The following TMEM217 variants were observed in gnomAD, a reference collection of about 807,000 sequenced individuals.
The protein encoded by TMEM217 is chromosome 6 open reading frame 128.
For synonymous variants in TMEM217, 76 were observed against 88.3 expected (o/e 0.86, Z 0.78); for missense variants, 204 against 248.8 (o/e 0.82, Z 1.21).
intron 1 of TMEM217, among the ~76,000 whole-genome samples, chr6:37,245,104 A>G (rs941270205): frequency 6.6e-6 from 1 of 152,236 alleles, no homozygotes; most frequent in Non-Finnish European, 1.5e-5. Flanking sequence ...AAAGTAAGTC[A>G]AAAGGGTGAG....
At chr6:37,213,005 A>G, downstream of TMEM217, 1 of 1,525,904 alleles carries the variant, frequency 6.6e-7, no homozygotes, top group Non-Finnish European at 8.8e-7. Flanking sequence ...TCCTGCAGGA[A>G]GAAAATCATA....
exon 2 of TMEM217, chr6:37,218,528 C>A (rs778998099): frequency 6.2e-7 from 1 of 1,614,038 alleles, no homozygotes; most frequent in East Asian, 2.2e-5. Context: ...TGTAGAAATT[C>A]GTCTCTTGTA....
At chr6:37,217,645 A>C in exon 2 of TMEM217, 1 of 985,322 alleles carries the variant, frequency 1.0e-6, no homozygotes, top group Non-Finnish European at 1.2e-6. Context: ...TGAAGGATGA[A>C]TTTTCTCTAT....
chr6:37,250,768 C>G (rs973135986), intron 1 of TMEM217, among the ~76,000 whole-genome samples: 2 of 152,222 alleles, frequency 1.3e-5, no homozygotes, highest in African/African-American at 4.8e-5. Flanking sequence ...CTAAACAATG[C>G]CCATATTACA....
At chr6:37,227,179 C>T (rs1239048440) in intron 1 of TMEM217, among the ~76,000 whole-genome samples, 2 of 152,186 alleles carry the variant, frequency 1.3e-5, no homozygotes, top group Non-Finnish European at 2.9e-5. Flanking sequence ...AGCCCAGAGA[C>T]TCCATCCATC....
At chr6:37,249,614 C>G (rs1490451106) in intron 1 of TMEM217, among the ~76,000 whole-genome samples, 1 of 152,208 alleles carries the variant, frequency 6.6e-6, no homozygotes, top group African/African-American at 2.4e-5. Context: ...AGCCACCGCA[C>G]CCAGTGGAAG....
At chr6:37,219,408 C>G (rs1763396265) in intron 1 of TMEM217, among the ~76,000 whole-genome samples, 1 of 152,118 alleles carries the variant, frequency 6.6e-6, no homozygotes, top group Non-Finnish European at 1.5e-5. Flanking sequence ...TCGTATGTAG[C>G]CAGTGTTGGA....
intron 1 of TMEM217, among the ~76,000 whole-genome samples, chr6:37,234,877 C>G (rs1764409586): frequency 6.6e-6 from 1 of 152,100 alleles, no homozygotes; most frequent in Non-Finnish European, 1.5e-5. Flanking sequence ...AAGAGAAATG[C>G]TGGTTTTATT....
chr6:37,242,925 A>G (rs1422971444), intron 1 of TMEM217, among the ~76,000 whole-genome samples: 1 of 152,098 alleles, frequency 6.6e-6, no homozygotes, highest in Admixed American at 6.5e-5. Context: ...AACATTTCCC[A>G]GAAAACCCCT....
chr6:37,227,319 AT>A (rs906797083), intron 1 of TMEM217, among the ~76,000 whole-genome samples: 1 of 151,984 alleles, frequency 6.6e-6, no homozygotes, highest in Non-Finnish European at 1.5e-5. Context: ...CAGGGCCATT[AT>A]GTTCCTTTCT....
At chr6:37,241,054 A>G (rs1409675865) in intron 1 of TMEM217, among the ~76,000 whole-genome samples, 1 of 149,384 alleles carries the variant, frequency 6.7e-6, no homozygotes, top group Non-Finnish European at 1.5e-5. Context: ...GGATATTAGC[A>G]TTTTTTCAAT....
At chr6:37,250,123 A>C (rs1264157861) in intron 1 of TMEM217, among the ~76,000 whole-genome samples, 1 of 152,226 alleles carries the variant, frequency 6.6e-6, no homozygotes, top group Non-Finnish European at 1.5e-5. Context: ...AAATCATACT[A>C]TTGTCTAAAA....
At chr6:37,218,475 T>G in exon 2 of TMEM217, 1 of 1,613,900 alleles carries the variant, frequency 6.2e-7, no homozygotes, top group African/African-American at 1.3e-5. Flanking sequence ...CTGAACCCAC[T>G]CGAAATTGAT....
At chr6:37,252,989 C>T (rs1765529354) in intron 1 of TMEM217, among the ~76,000 whole-genome samples, 3 of 152,020 alleles carry the variant, frequency 2.0e-5, no homozygotes, top group Admixed American at 6.6e-5. Context: ...AGAAAAGTTC[C>T]AGAAGTACCA....
intron 1 of TMEM217, among the ~76,000 whole-genome samples, chr6:37,254,279 A>G (rs1470604165): frequency 6.6e-6 from 1 of 152,156 alleles, no homozygotes; most frequent in Non-Finnish European, 1.5e-5. Flanking sequence ...GGACCAGTGA[A>G]TGTCTGCCAA....
At chr6:37,221,268 C>A (rs1165542805) in intron 1 of TMEM217, among the ~76,000 whole-genome samples, 1 of 150,742 alleles carries the variant, frequency 6.6e-6, no homozygotes, top group Non-Finnish European at 1.5e-5. Flanking sequence ...CTCACTGTAA[C>A]CTCCATCTCC....
chr6:37,226,055 T>A (rs1315898404), intron 1 of TMEM217, among the ~76,000 whole-genome samples: 1 of 152,120 alleles, frequency 6.6e-6, no homozygotes, highest in Non-Finnish European at 1.5e-5. Flanking sequence ...TACCTAAACT[T>A]CTTTATTGAC....
chr6:37,249,965 A>G (rs769149815), intron 1 of TMEM217, among the ~76,000 whole-genome samples: 58 of 152,386 alleles, frequency 3.8e-4, no homozygotes, highest in Non-Finnish European at 7.6e-4. Context: ...GAAAGTTTGT[A>G]GCAGCAGAGT....
intron 1 of TMEM217, among the ~76,000 whole-genome samples, chr6:37,257,301 C>G (rs992058471): frequency 6.6e-6 from 1 of 152,142 alleles, no homozygotes; most frequent in East Asian, 1.9e-4. Flanking sequence ...CAATCCCGGG[C>G]TATCGGGTCC....
Sources: gnomAD v4.1 joint callset for allele counts (sites outside exome capture counted in the v4.1 genomes callset) on GRCh38, gnomAD v4.1.1 for gene constraint, MANE v1.5 for transcripts, NCBI Gene and HGNC (gene_info 2026-07-23, HGNC 2026-07-21) for gene names.